Variants in GPHN observed in about 807,000 individuals in gnomAD.
GPHN encodes the protein gephyrin.
In GPHN, 17 loss-of-function variants were observed where a neutral mutation model predicts 95.5. That is an observed-to-expected ratio of 0.18 (90% CI 0.12 to 0.27). GPHN has a LOEUF of 0.27. Ranked by LOEUF, GPHN falls within the 10% of genes least tolerant of loss-of-function variation. The probability of loss-of-function intolerance (pLI) is 1.00; values close to 1 mark genes in which losing one functional copy is unlikely to be tolerated. For missense variants in GPHN, 660 were observed against 978.1 expected, an observed-to-expected ratio of 0.67 and a Z score of 4.34; for synonymous variants, 320 against 322.5, an observed-to-expected ratio of 0.99 and a Z score of 0.08.
chr14:66,878,806 G>A (rs2063789515), intron 4 of GPHN, among the ~76,000 whole-genome samples: 1 of 152,156 alleles, frequency 6.6e-6, no homozygotes, highest in Non-Finnish European at 1.5e-5. Context: ...AAGACAGTGT[G>A]GCGATTCCTC....
intron 4 of GPHN, among the ~76,000 whole-genome samples, chr14:66,836,749 A>G (rs1339627887): frequency 6.6e-6 from 1 of 151,686 alleles, no homozygotes; most frequent in Non-Finnish European, 1.5e-5. Flanking sequence ...ATTTACAAGA[A>G]AAAAACAAAC....
At chr14:67,201,809 C>T in the GPHN span, 1 of 265,684 alleles carries the variant, frequency 3.8e-6, no homozygotes, top group South Asian at 3.8e-5. Flanking sequence ...TTTAATTGAA[C>T]CAATTATCAT....
chr14:66,668,877 T>G (rs2066129468), intron 1 of GPHN, among the ~76,000 whole-genome samples: 4 of 137,330 alleles, frequency 2.9e-5, no homozygotes, highest in African/African-American at 8.4e-5. Context: ...TTTCCTGCTG[T>G]TTTTTTTTTT....
At chr14:66,950,813 C>G (rs141839741) in intron 8 of GPHN, among the ~76,000 whole-genome samples, 150 of 152,220 alleles carry the variant, frequency 9.9e-4, no homozygotes, top group African/African-American at 3.5e-3. Flanking sequence ...CCTCACACTC[C>G]CCCAAAAGTA....
the GPHN span, among the ~76,000 whole-genome samples, chr14:67,538,498 T>G: frequency 6.6e-6 from 1 of 152,216 alleles, no homozygotes; most frequent in Non-Finnish European, 1.5e-5. Context: ...TGCTCATCCT[T>G]GTGCATTTTT....
chr14:67,540,581 G>A, the GPHN span, among the ~76,000 whole-genome samples: 1 of 149,898 alleles, frequency 6.7e-6, no homozygotes, highest in Non-Finnish European at 1.5e-5. Context: ...AGCCAAAATT[G>A]CACCATTGTA....
the GPHN span, among the ~76,000 whole-genome samples, chr14:67,327,503 ATTATAC>A: frequency 2.7e-5 from 4 of 146,068 alleles, no homozygotes; most frequent in African/African-American, 1.0e-4. Flanking sequence ...TTATTTTTTT[ATTATAC>A]TTTAAGTTCT....
At chr14:66,977,607 C>A (rs2070344651) in intron 9 of GPHN, among the ~76,000 whole-genome samples, 1 of 151,908 alleles carries the variant, frequency 6.6e-6, no homozygotes, top group African/African-American at 2.4e-5. Flanking sequence ...ATTAATAGTA[C>A]ACACATATAT....
the GPHN span, chr14:67,585,869 C>T: frequency 4.2e-6 from 6 of 1,433,088 alleles, no homozygotes; most frequent in East Asian, 2.3e-5. Flanking sequence ...TTTCCTGTGC[C>T]TAGAAGAGAC....
At chr14:67,463,168 C>A in the GPHN span, among the ~76,000 whole-genome samples, 3 of 152,226 alleles carry the variant, frequency 2.0e-5, no homozygotes, top group Admixed American at 6.5e-5. Flanking sequence ...CCTGTAATCC[C>A]AGCACTTTGG....
chr14:67,728,109 C>T, the GPHN span: 2 of 152,198 alleles, frequency 1.3e-5, no homozygotes, highest in Non-Finnish European at 2.9e-5. Flanking sequence ...ATTCTGTGCT[C>T]TCCTGGAGCA....
intron 1 of GPHN, among the ~76,000 whole-genome samples, chr14:66,625,496 A>C (rs2063491584): frequency 6.6e-6 from 1 of 151,584 alleles, no homozygotes; most frequent in South Asian, 2.1e-4. Context: ...TTTCCCCCCC[A>C]ATTTTCTTAA....
At chr14:66,990,996 A>G (rs1414438511) in intron 9 of GPHN, among the ~76,000 whole-genome samples, 1 of 152,044 alleles carries the variant, frequency 6.6e-6, no homozygotes, top group East Asian at 1.9e-4. Flanking sequence ...TAGAAAGGGA[A>G]GAGCCCTGTA....
intron 9 of GPHN, among the ~76,000 whole-genome samples, chr14:66,994,365 AAAAAAAG>A (rs959980956): frequency 2.0e-5 from 3 of 151,156 alleles, no homozygotes; most frequent in Non-Finnish European, 4.4e-5. Flanking sequence ...AACTGTCTCA[AAAAAAAG>A]AAAAAAGAAA....
chr14:66,999,960 C>T lies in GPHN; in HGVS notation c.964-23673C>T, dbSNP rs184413085. Among the ~76,000 whole-genome samples, 30 of 151,894 alleles carry T rather than the reference C, an allele frequency of 2.0e-4. No individual in the cohort carries two copies. The East Asian group carries it at 5.6e-3, about 28-fold the overall frequency. Reference sequence around the variant, plus strand: ...TGGTCCAAATTGAACCCTTTACAGCCTTATCTTTAATGTCTTAGATTTCCC... The same window carrying T: ...TGGTCCAAATTGAACCCTTTACAGCTTTATCTTTAATGTCTTAGATTTCCC... On this transcript the variant is annotated intron_variant, in intron 9 of 22. Transcript: ENST00000478722.
chr14:66,985,877 G>A (rs907097694), intron 9 of GPHN: 6 of 560,082 alleles, frequency 1.1e-5, no homozygotes, highest in Non-Finnish European at 1.9e-5. Flanking sequence ...TTTATTGGCT[G>A]TTGGGTCATA....
At chr14:67,542,076 G>A in the GPHN span, 6 of 1,293,262 alleles carry the variant, frequency 4.6e-6, no homozygotes, top group Non-Finnish European at 5.2e-6. Flanking sequence ...GGAGAGTTGC[G>A]GAAAGTCAAC....
intron 8 of GPHN, among the ~76,000 whole-genome samples, chr14:66,949,661 A>C (rs2067972872): frequency 6.6e-6 from 1 of 152,150 alleles, no homozygotes; most frequent in Admixed American, 6.5e-5. Context: ...AAATTTGCTC[A>C]CTAGCTACCC....
At chr14:67,570,394 A>G in the GPHN span, 312 of 483,680 alleles carry the variant, frequency 6.5e-4, no homozygotes, top group Non-Finnish European at 8.1e-4. Context: ...CAAAAATCAG[A>G]TAGAATTGCA....
Sources: allele counts gnomAD v4.1 joint callset (sites outside exome capture counted in the v4.1 genomes callset), GRCh38; gene constraint gnomAD v4.1.1; transcripts MANE v1.5; gene names NCBI Gene and HGNC (gene_info 2026-07-23, HGNC 2026-07-21).